The following IGF1R variants were observed in gnomAD, a reference collection of about 807,000 sequenced individuals.
IGF1R encodes insulin-like growth factor 1 receptor.
In IGF1R, 44 loss-of-function variants were observed where a neutral mutation model predicts 144.6. That is an observed-to-expected ratio of 0.30 (90% CI 0.24 to 0.39). The LOEUF (loss-of-function observed/expected upper bound fraction) is 0.39, where lower values mean the gene tolerates loss of function less well. Ranked by LOEUF, IGF1R falls within the 10% of genes least tolerant of loss-of-function variation. IGF1R has a pLI of 1.00. For synonymous variants in IGF1R, 795 were observed against 722.8 expected (o/e 1.10, Z -1.60); for missense variants, 1,355 against 1,833.7 (o/e 0.74, Z 4.77).
chr15:98,747,746 A>G (rs11632952), intron 2 of IGF1R, among the ~76,000 whole-genome samples: 36,315 of 152,130 alleles, frequency 0.24, 5,285 homozygotes, highest in Middle Eastern at 0.32. Context: ...TGGAGAGTCT[A>G]TAAAGTTCTG....
At chr15:98,821,848 C>T (rs1401172478) in intron 2 of IGF1R, among the ~76,000 whole-genome samples, 2 of 139,720 alleles carry the variant, frequency 1.4e-5, no homozygotes, top group African/African-American at 2.5e-5. Flanking sequence ...CGTGGAGAGA[C>T]ACACGGGTGT....
At position 98,817,485 on chromosome 15, in the gene IGF1R, G is replaced by T. The variant is rs144215274; in HGVS notation, c.641-73840G>T. 2.9e-3 allele frequency among the ~76,000 whole-genome samples: 447 copies of T among 152,202 alleles called. 4 individuals carry two copies. The highest frequency in any genetic ancestry group is 0.01 in the African/African-American group (433 of 41,530). On this transcript the variant is annotated intron_variant, in intron 2 of 20. Coordinates refer to ENST00000650285, the MANE Select transcript of IGF1R (RefSeq NM_000875.5). ...TGGGGGCCAGGTGTGGTTGAGGGGT[G>T]CTGTATTACGCTGGGTAGTCATTGA...
intron 18 of IGF1R, among the ~76,000 whole-genome samples, chr15:98,941,488 T>C (rs1411049102): frequency 6.6e-6 from 1 of 152,264 alleles, no homozygotes; most frequent in Non-Finnish European, 1.5e-5. Flanking sequence ...TTTCAAGTTT[T>C]TCATTTGTGC....
At chr15:98,877,310 T>G (rs1209728337) in intron 2 of IGF1R, among the ~76,000 whole-genome samples, 1 of 151,890 alleles carries the variant, frequency 6.6e-6, no homozygotes, top group Non-Finnish European at 1.5e-5. Flanking sequence ...AATACAAACT[T>G]AAGATCCAAG....
At position 98,935,013 on chromosome 15, in the gene IGF1R, A is replaced by G; in HGVS notation, c.3146A>G (p.Asn1049Ser). The change falls in exon 16 of 21, where the codon AAC (asparagine) becomes AGC (serine). Residue 1049 changes from asparagine to serine, a missense_variant. Physicochemically the swap from Asn to Ser is conservative, Grantham distance 46. Around this residue, in one of 7 missense-constraint regions of IGF1R, gnomAD observed 880 missense variants for 1,202.7 expected, o/e 0.73. Transcript: ENST00000650285. This position sits in a 1 kb window ranked among gnomAD's most constrained non-coding sequence, Gnocchi z 4.2. ...ASMRERIEFL[N>S]EASVMKEFNC... ...ATGCGTGAGAGGATTGAGTTTCTCA[A>G]CGAAGCTTCTGTGATGAAGGAGTTC... 1 of 1,614,154 alleles carries G rather than the reference A, an allele frequency of 6.2e-7. No homozygotes were observed. Among genetic ancestry groups the G allele is most frequent in the Non-Finnish European group, 8.5e-7 (1 of 1,179,996 alleles).
At chr15:98,813,339 C>G (rs923917743) in intron 2 of IGF1R, among the ~76,000 whole-genome samples, 5 of 152,182 alleles carry the variant, frequency 3.3e-5, no homozygotes, top group Non-Finnish European at 7.3e-5. Context: ...ATTTCATACT[C>G]CAGGCCAATA....
intron 2 of IGF1R, among the ~76,000 whole-genome samples, chr15:98,825,786 G>A (rs1157333830): frequency 1.3e-5 from 2 of 152,200 alleles, no homozygotes; most frequent in Non-Finnish European, 2.9e-5. Flanking sequence ...ATAATGACAA[G>A]GAGAAAAGTC....
At chr15:98,879,052 C>A (rs548678861) in intron 2 of IGF1R, among the ~76,000 whole-genome samples, 2 of 152,024 alleles carry the variant, frequency 1.3e-5, no homozygotes, top group African/African-American at 4.8e-5. Flanking sequence ...TGTGTCCATG[C>A]GTGAAGAAAC....
chr15:98,861,295 A>G (rs989472036), intron 2 of IGF1R, among the ~76,000 whole-genome samples: 7 of 152,244 alleles, frequency 4.6e-5, no homozygotes, highest in African/African-American at 1.7e-4. Context: ...ATAAATATAC[A>G]TGCAGGGACA....
intron 2 of IGF1R, among the ~76,000 whole-genome samples, chr15:98,711,474 A>T (rs2053991397): frequency 6.6e-6 from 1 of 151,674 alleles, no homozygotes; most frequent in Admixed American, 6.6e-5. Flanking sequence ...TATGGACGTG[A>T]TCCCTCTGTG....
At chr15:98,681,851 T>A (rs1479230530) in intron 1 of IGF1R, among the ~76,000 whole-genome samples, 1 of 152,204 alleles carries the variant, frequency 6.6e-6, no homozygotes, top group Non-Finnish European at 1.5e-5. Flanking sequence ...TTTTGTTTGC[T>A]ATGTGTGACC....
chr15:98,833,389 C>T (rs993709753), intron 2 of IGF1R, among the ~76,000 whole-genome samples: 1 of 152,160 alleles, frequency 6.6e-6, no homozygotes, highest in African/African-American at 2.4e-5. Context: ...CAGGTAGACA[C>T]CTTCCTAATG....
At chr15:98,699,699 A>G (rs536300764) in intron 1 of IGF1R, among the ~76,000 whole-genome samples, 1 of 152,086 alleles carries the variant, frequency 6.6e-6, no homozygotes, top group East Asian at 1.9e-4. Context: ...GAAACATCTC[A>G]CCCATCTTAG....
At chr15:98,808,804 C>G (rs1316852586) in intron 2 of IGF1R, among the ~76,000 whole-genome samples, 1 of 151,976 alleles carries the variant, frequency 6.6e-6, no homozygotes, top group African/African-American at 2.4e-5. Flanking sequence ...CTCAGCCTCC[C>G]GAGTAGCTAG....
Position 98,922,173 on chromosome 15 carries a change from A to C in IGF1R, c.2227A>C (p.Met743Leu). Residue 743 changes from methionine (M) to leucine (L), a missense_variant, in exon 11 of 21, where the codon ATG becomes CTG. Met to Leu is a conservative substitution (Grantham distance 15). This residue lies in a region of IGF1R where 880 missense variants were observed against 1,202.7 expected (regional missense o/e 0.73). Coordinates refer to ENST00000650285, the MANE Select transcript of IGF1R (RefSeq NM_000875.5). Reference protein sequence around the residue: ...PRPERKRRDVMQVANTTMSSR... With the variant: ...PRPERKRRDVLQVANTTMSSR... ...ACCTGAAAGGAAGCGGAGAGATGTC[A>C]TGCAAGTGGCCAACACCACCATGTC... is the stretch of plus-strand genomic sequence containing the variant. 1 of 1,614,212 alleles carries C rather than the reference A, an allele frequency of 6.2e-7. No homozygotes were observed. Among genetic ancestry groups the C allele is most frequent in the Non-Finnish European group, 8.5e-7 (1 of 1,180,040 alleles).
chr15:98,850,911 A>G (rs1224036975), intron 2 of IGF1R, among the ~76,000 whole-genome samples: 2 of 152,078 alleles, frequency 1.3e-5, no homozygotes, highest in Non-Finnish European at 2.9e-5. Context: ...TCCACTGGAG[A>G]CACAAATTAG....
intron 9 of IGF1R, 34 bp from the exon 10 acceptor site, chr15:98,916,638 C>T (rs997039858): frequency 6.3e-7 from 1 of 1,576,588 alleles, no homozygotes; most frequent in Non-Finnish European, 8.7e-7. Flanking sequence ...GGCTTTCATT[C>T]CCACTCTTGT....
intron 2 of IGF1R, among the ~76,000 whole-genome samples, chr15:98,822,231 A>G (rs570263377): frequency 6.6e-6 from 1 of 152,284 alleles, no homozygotes; most frequent in Admixed American, 6.5e-5. Flanking sequence ...CAGGTTTTCA[A>G]GTCATCTCGT....
intron 2 of IGF1R, among the ~76,000 whole-genome samples, chr15:98,761,195 G>GA (rs2055287182): frequency 6.6e-6 from 1 of 152,194 alleles, no homozygotes; most frequent in Admixed American, 6.5e-5. Context: ...GGGCACTGTG[G>GA]AGCACCTGGG....
Sources: allele counts gnomAD v4.1 joint callset (sites outside exome capture counted in the v4.1 genomes callset), GRCh38; gene constraint gnomAD v4.1.1; regional missense constraint gnomAD v4.1.1; non-coding constraint Gnocchi (gnomAD v3.1); transcripts MANE v1.5; gene names NCBI Gene and HGNC (gene_info 2026-07-23, HGNC 2026-07-21).